PTPRK: variants seen among roughly 807,000 people sequenced by gnomAD.
PTPRK encodes the protein receptor-type tyrosine-protein phosphatase kappa.
Under a neutral mutation model 178.0 loss-of-function variants are expected in PTPRK, and 75 were observed. That is an observed-to-expected ratio of 0.42 (90% confidence interval 0.35 to 0.51). The LOEUF (loss-of-function observed/expected upper bound fraction) is 0.51, where lower values mean the gene tolerates loss of function less well. PTPRK is among the 20% of genes least tolerant of loss of function. The pLI is 0.02. For missense variants in PTPRK, 1,441 were observed against 1,797.8 expected, an observed-to-expected ratio of 0.80 and a Z score of 3.59; for synonymous variants, 637 against 620.6, an observed-to-expected ratio of 1.03 and a Z score of -0.39.
chr6:128,203,149 C>T (rs1806273752), intron 6 of PTPRK, among the ~76,000 whole-genome samples: 1 of 151,340 alleles, frequency 6.6e-6, no homozygotes, highest in Non-Finnish European at 1.5e-5. Flanking sequence ...GAACTAAAGA[C>T]AAAAAAACAA....
intron 2 of PTPRK, among the ~76,000 whole-genome samples, chr6:128,354,231 G>GTTTTTTGTTTTTTTT (rs1833612004): frequency 2.0e-5 from 1 of 49,356 alleles, no homozygotes; most frequent in Non-Finnish European, 3.2e-5. Flanking sequence ...TTTTGTTTAT[G>GTTTTTTGTTTTTTTT]TTTTTTTTTT....
chr6:128,087,330 T>C (rs1380876035), intron 8 of PTPRK, among the ~76,000 whole-genome samples: 4 of 152,128 alleles, frequency 2.6e-5, no homozygotes, highest in African/African-American at 9.7e-5. Context: ...TGATTTTTTT[T>C]TTAAGGGTAG....
chr6:128,341,543 C>A (rs989705975), intron 2 of PTPRK, among the ~76,000 whole-genome samples: 2 of 152,122 alleles, frequency 1.3e-5, no homozygotes, highest in Admixed American at 6.5e-5. Context: ...TTTAATTTTT[C>A]TGAAGAAAAA....
At chr6:128,347,492 G>A (rs545849253) in intron 2 of PTPRK, among the ~76,000 whole-genome samples, 1 of 152,230 alleles carries the variant, frequency 6.6e-6, no homozygotes, top group East Asian at 1.9e-4. Flanking sequence ...AATGTGATAT[G>A]TTGATTTTTT....
intron 1 of PTPRK, among the ~76,000 whole-genome samples, chr6:128,487,710 AAAT>A (rs1222649581): frequency 6.6e-6 from 1 of 152,132 alleles, no homozygotes; most frequent in Non-Finnish European, 1.5e-5. Context: ...CTAAGAATAA[AAAT>A]AGAGTTTTCC....
chr6:128,318,795 G>T (rs1261800735), intron 3 of PTPRK, among the ~76,000 whole-genome samples: 1 of 152,176 alleles, frequency 6.6e-6, no homozygotes, highest in Admixed American at 6.5e-5. Context: ...GAGGTATGCT[G>T]ATCTTCAGCT....
intron 1 of PTPRK, among the ~76,000 whole-genome samples, chr6:128,450,801 C>G (rs1474148089): frequency 6.6e-6 from 1 of 152,150 alleles, no homozygotes; most frequent in Non-Finnish European, 1.5e-5. Context: ...ATCGTTATGT[C>G]ATTTTAATAT....
chr6:128,033,795 T>C (rs1483954291), intron 13 of PTPRK, among the ~76,000 whole-genome samples: 1 of 151,982 alleles, frequency 6.6e-6, no homozygotes, highest in Non-Finnish European at 1.5e-5. Flanking sequence ...GAGTATTTCT[T>C]GGGCCCAGGT....
chr6:128,068,715 A>G (rs1782275789), intron 11 of PTPRK, among the ~76,000 whole-genome samples: 1 of 151,126 alleles, frequency 6.6e-6, no homozygotes, highest in Non-Finnish European at 1.5e-5. Context: ...TATTACCATG[A>G]AAGTTGACAT....
rs145066990 is a variant in PTPRK at position 128,279,551 on chromosome 6, A to G, written c.496-36949T>C. Among the ~76,000 whole-genome samples the G allele has an allele frequency of 2.6e-3, 392 of 152,278 alleles. 1 individual carries two copies. The highest frequency in any genetic ancestry group is 9.0e-3 in the African/African-American group (376 of 41,550). Reference sequence around the variant, plus strand: ...CAATGAAGTTGGAAGCCAAGTAGACATATACTCCAGACGTTAACCAAAGAG... The same window carrying G: ...CAATGAAGTTGGAAGCCAAGTAGACGTATACTCCAGACGTTAACCAAAGAG... On this transcript the variant is annotated intron_variant, in intron 3 of 29. Transcript: ENST00000368226.
intron 7 of PTPRK, among the ~76,000 whole-genome samples, chr6:128,135,840 T>A (rs562892464): frequency 6.0e-5 from 9 of 150,778 alleles, no homozygotes; most frequent in East Asian, 3.9e-4. Context: ...TAAAAAAAAA[T>A]AAAAATAAAA....
intron 3 of PTPRK, among the ~76,000 whole-genome samples, chr6:128,267,803 T>C (rs1819189840): frequency 6.6e-6 from 1 of 152,028 alleles, no homozygotes; most frequent in African/African-American, 2.4e-5. Flanking sequence ...ACATCAAAAT[T>C]GTAAGTAACA....
intron 1 of PTPRK, among the ~76,000 whole-genome samples, chr6:128,448,285 G>A: frequency 6.6e-6 from 1 of 152,120 alleles, no homozygotes; most frequent in Non-Finnish European, 1.5e-5. Flanking sequence ...TGGAGTTCTG[G>A]AGAGATAATA....
At chr6:128,453,860 C>A (rs1848088059) in intron 1 of PTPRK, among the ~76,000 whole-genome samples, 1 of 152,064 alleles carries the variant, frequency 6.6e-6, no homozygotes, top group Non-Finnish European at 1.5e-5. Context: ...AAAACTGATA[C>A]ATAAGGAAGA....
intron 2 of PTPRK, among the ~76,000 whole-genome samples, chr6:128,335,746 G>A (rs17055737): frequency 0.013 from 1,999 of 151,902 alleles, 48 homozygotes; most frequent in African/African-American, 0.045. Context: ...TCACAAGATC[G>A]TCAACTATAG....
chr6:128,101,059 G>C (rs1562584404), intron 7 of PTPRK, among the ~76,000 whole-genome samples: 1 of 151,884 alleles, frequency 6.6e-6, no homozygotes, highest in Non-Finnish European at 1.5e-5. Context: ...AATATGTCCT[G>C]GTAGGGCTAC....
chr6:128,070,247 C>G (rs983010526), intron 11 of PTPRK, among the ~76,000 whole-genome samples: 3 of 152,008 alleles, frequency 2.0e-5, no homozygotes, highest in African/African-American at 4.8e-5. Context: ...CCCCTTAAAA[C>G]TTAAACCAGG....
chr6:128,107,956 C>T (rs947295939), intron 7 of PTPRK, among the ~76,000 whole-genome samples: 1 of 152,006 alleles, frequency 6.6e-6, no homozygotes, highest in South Asian at 2.1e-4. Context: ...CATTTGTCAA[C>T]CATCTCATCA....
chr6:128,024,269 ACTAAGT>A (rs1292938323), intron 13 of PTPRK, among the ~76,000 whole-genome samples: 1 of 152,174 alleles, frequency 6.6e-6, no homozygotes, highest in Non-Finnish European at 1.5e-5. Flanking sequence ...TACTTTAATA[ACTAAGT>A]CTATTCTAGG....
Sources: allele counts gnomAD v4.1 joint callset (sites outside exome capture counted in the v4.1 genomes callset), GRCh38; gene constraint gnomAD v4.1.1; transcripts MANE v1.5; gene names NCBI Gene and HGNC (gene_info 2026-07-23, HGNC 2026-07-21).